EXPH5: variants seen among roughly 807,000 people sequenced by gnomAD.
The protein encoded by EXPH5 is exophilin-5.
A neutral mutation model predicts 41.1 loss-of-function variants in EXPH5; 42 were observed. That is an observed-to-expected ratio of 1.02 (90% CI 0.80 to 1.32). EXPH5 has a LOEUF of 1.32. Ranked by LOEUF, EXPH5 falls within the 40% of genes most tolerant of loss-of-function variation. The pLI is 0.00. For synonymous variants in EXPH5, 798 were observed against 833.5 expected, an observed-to-expected ratio of 0.96 and a Z score of 0.73; for missense variants, 2,298 against 2,314.5, an observed-to-expected ratio of 0.99 and a Z score of 0.15.
chr11:108,600,061 G>A, the EXPH5 span, among the ~76,000 whole-genome samples: 3 of 152,154 alleles, frequency 2.0e-5, no homozygotes, highest in Non-Finnish European at 4.4e-5. Context: ...GAGAAGAGAC[G>A]GCCCTTTCCT....
At chr11:108,607,370 A>G in the EXPH5 span, among the ~76,000 whole-genome samples, 1 of 152,234 alleles carries the variant, frequency 6.6e-6, no homozygotes, top group Non-Finnish European at 1.5e-5. Flanking sequence ...AAAAGAATTC[A>G]TCATAATTTT....
At chr11:108,541,625 A>C in intron 2 of EXPH5, 27 bp downstream of exon 2, 1 of 1,523,984 alleles carries the variant, frequency 6.6e-7, no homozygotes, top group Non-Finnish European at 9.0e-7. Context: ...AAAGAAATCA[A>C]CTTTAAATCT....
At chr11:108,554,986 C>T (rs917266144) in intron 1 of EXPH5, among the ~76,000 whole-genome samples, 1 of 152,186 alleles carries the variant, frequency 6.6e-6, no homozygotes, top group African/African-American at 2.4e-5. Flanking sequence ...TAAAGAAACT[C>T]AAAAGCATCA....
chr11:108,530,866 G>T (rs2093833211), intron 3 of EXPH5, among the ~76,000 whole-genome samples: 1 of 152,200 alleles, frequency 6.6e-6, no homozygotes. Context: ...GTGCTCCTGT[G>T]GACTTGGGTA....
rs567041784 is a variant in EXPH5, at chr11:108,507,509, T to A, written c.*2028A>T. 1 of 152,322 alleles carries A rather than the reference T, an allele frequency of 6.6e-6. No individual in the cohort carries two copies. The highest frequency in any genetic ancestry group is 2.1e-4 in the South Asian group (1 of 4,830). The allele number at this position is 152,322 out of a possible 1,614,324, so 9.4% of individuals were successfully genotyped here. A position where few individuals can be genotyped will look rare whatever the true frequency, so the allele number is the denominator to read the frequency against. On this transcript the variant is annotated 3_prime_UTR_variant, in exon 6 of 6. Coordinates refer to ENST00000265843, the MANE Select transcript of EXPH5 (RefSeq NM_015065.3). ...CTATCATAGTATTGAGATCCAGGAATCCATGCTGTCTGTAGTTAAAGCAGA... is the reference window on the plus strand; with the variant it reads ...CTATCATAGTATTGAGATCCAGGAAACCATGCTGTCTGTAGTTAAAGCAGA...
intron 4 of EXPH5, among the ~76,000 whole-genome samples, chr11:108,526,634 A>G (rs2093801112): frequency 6.6e-6 from 1 of 152,200 alleles, no homozygotes; most frequent in South Asian, 2.1e-4. Context: ...TAGTTAAAGC[A>G]GAGTCTCCGC....
In EXPH5 at chr11:108,510,168, G is replaced by A. The variant is rs766381248; in HGVS notation, c.5339C>T (p.Ala1780Val). The A allele has an allele frequency of 1.2e-6, 2 of 1,614,028 alleles. No homozygotes were observed. The highest frequency in any genetic ancestry group is 1.1e-5 in the South Asian group (1 of 91,074). The change falls in exon 6 of 6, where the codon GCT (alanine) becomes GTT (valine). Residue 1780 changes from alanine to valine, a missense_variant. Transcript: ENST00000265843. ...LASFLQQQRS[A>V]SSLEWEPEPH... ...CTCAGGTTCCCACTCCAGAGATGAAGCACTCCTTTGTTGCTGCAGAAAACT... is the reference window on the plus strand; with the variant it reads ...CTCAGGTTCCCACTCCAGAGATGAAACACTCCTTTGTTGCTGCAGAAAACT...
intron 1 of EXPH5, among the ~76,000 whole-genome samples, chr11:108,573,372 A>C (rs1453338476): frequency 2.0e-5 from 3 of 152,168 alleles, no homozygotes. Context: ...TGAATGGTCT[A>C]CCCTTGGTTG....
chr11:108,582,079 C>A (rs2094099990), intron 1 of EXPH5, among the ~76,000 whole-genome samples: 1 of 152,118 alleles, frequency 6.6e-6, no homozygotes, highest in Non-Finnish European at 1.5e-5. Context: ...AGAAGCAATG[C>A]CAGGGCTATA....
chr11:108,528,350 A>G (rs2093813815), intron 3 of EXPH5, among the ~76,000 whole-genome samples, 166 bp from the exon 4 acceptor site: 1 of 152,222 alleles, frequency 6.6e-6, no homozygotes, highest in Non-Finnish European at 1.5e-5. Flanking sequence ...AAAAAATTAG[A>G]AACTGTTTCC....
intron 1 of EXPH5, among the ~76,000 whole-genome samples, chr11:108,589,546 A>C (rs1161797372): frequency 3.3e-5 from 5 of 152,218 alleles, no homozygotes; most frequent in Non-Finnish European, 7.3e-5. Context: ...AAAATGGTCT[A>C]AATCTAGACA....
intron 1 of EXPH5, among the ~76,000 whole-genome samples, chr11:108,545,452 C>T (rs2093933748): frequency 1.3e-5 from 2 of 152,008 alleles, no homozygotes; most frequent in South Asian, 2.1e-4. Flanking sequence ...AGATATGAAT[C>T]CAATAACAAT....
At chr11:108,569,187 G>C (rs2094048572) in intron 1 of EXPH5, among the ~76,000 whole-genome samples, 2 of 151,964 alleles carry the variant, frequency 1.3e-5, no homozygotes. Context: ...TTATTCACCT[G>C]TTACCTCCTT....
chr11:108,575,487 A>G, intron 1 of EXPH5, among the ~76,000 whole-genome samples: 1 of 152,266 alleles, frequency 6.6e-6, no homozygotes, highest in Admixed American at 6.5e-5. Flanking sequence ...GCAATAAGAA[A>G]CAAATAGAAT....
chr11:108,532,367 T>TATATATATATATATATATA lies in EXPH5; in HGVS notation c.444-4184_444-4183insTATATATATATATATATAT, dbSNP rs61454000. Reference sequence around the variant, plus strand: ...ATATATATATATATATATATATATATTTTTTTTTTTTTTTTTTTTTTTTTT... The same window carrying TATATATATATATATATATA: ...ATATATATATATATATATATATATATATATATATATATATATATATTTTTTTTTTTTTTTTTTTTTTTTT... On this transcript the variant is annotated intron_variant, in intron 3 of 5. Coordinates refer to ENST00000265843, the MANE Select transcript of EXPH5 (RefSeq NM_015065.3). Among the ~76,000 whole-genome samples, 53 of 20,304 alleles carry TATATATATATATATATATA rather than the reference T, an allele frequency of 2.6e-3. 3 individuals are homozygous for TATATATATATATATATATA. Among genetic ancestry groups the TATATATATATATATATATA allele is most frequent in the African/African-American group, 3.4e-3 (11 of 3,228 alleles). The allele number at this position is 20,304 out of a possible 152,430, so 13.3% of individuals were successfully genotyped here.
At chr11:108,586,662 T>G (rs1267980026) in intron 1 of EXPH5, among the ~76,000 whole-genome samples, 2 of 124,492 alleles carry the variant, frequency 1.6e-5, no homozygotes. Flanking sequence ...CCCCATCCCC[T>G]TTCCTCCCTT....
chr11:108,583,663 A>T (rs1200365025), intron 1 of EXPH5, among the ~76,000 whole-genome samples: 1 of 151,702 alleles, frequency 6.6e-6, no homozygotes, highest in Non-Finnish European at 1.5e-5. Flanking sequence ...CTCTATTAAA[A>T]AAAATTAACA....
At chr11:108,584,470 C>T (rs1429717515) in intron 1 of EXPH5, among the ~76,000 whole-genome samples, 1 of 151,038 alleles carries the variant, frequency 6.6e-6, no homozygotes, top group South Asian at 2.1e-4. Flanking sequence ...AAAGAGAGAC[C>T]CTGTCTCAAA....
chr11:108,554,372 C>G (rs1012226233), intron 1 of EXPH5, among the ~76,000 whole-genome samples: 1 of 152,166 alleles, frequency 6.6e-6, no homozygotes, highest in East Asian at 1.9e-4. Context: ...ACTTTATTAA[C>G]TGGGTGTGAT....
Sources: gnomAD v4.1 joint callset for allele counts (sites outside exome capture counted in the v4.1 genomes callset) on GRCh38, gnomAD v4.1.1 for gene constraint, MANE v1.5 for transcripts, NCBI Gene and HGNC (gene_info 2026-07-23, HGNC 2026-07-21) for gene names.